Variants in ZMYND19 observed in about 807,000 individuals in gnomAD.
ZMYND19 encodes the protein zinc finger MYND domain-containing protein 19.
In ZMYND19, 17 loss-of-function variants were observed where a neutral mutation model predicts 32.0. The ratio of observed to expected loss-of-function variants is 0.53; its 90% CI spans 0.36 to 0.80. ZMYND19 has a LOEUF of 0.80. Ranked by LOEUF, ZMYND19 falls within the 30% of genes least tolerant of loss-of-function variation. The pLI is 0.00. For missense variants in ZMYND19, 250 were observed against 293.6 expected, an observed-to-expected ratio of 0.85 and a Z score of 1.09; for synonymous variants, 124 against 113.6, an observed-to-expected ratio of 1.09 and a Z score of -0.58.
In ZMYND19 at chr9:137,590,007, C is replaced by T. The variant is rs565073797; in HGVS notation, c.51+206G>A. 3.0e-3 allele frequency: 2,932 copies of T among 985,092 alleles called. 5 individuals carry two copies. Among genetic ancestry groups the T allele is most frequent in the Non-Finnish European group, 3.4e-3 (2,798 of 829,770 alleles). 61.0% of individuals were successfully genotyped at this position (985,092 alleles called of 1,614,324 possible). A position where few individuals can be genotyped will look rare whatever the true frequency, so the allele number is the denominator to read the frequency against. ...AGGGTGGCCAGGTGCACCCCAGAGC[C>T]GAGGGGTGCGTGCCCGCCGGCCTGC... is the stretch of plus-strand genomic sequence containing the variant. On this transcript the variant is annotated intron_variant, in intron 1 of 5. Transcript: ENST00000298585. The surrounding 1 kb of genome is among the most constrained non-coding windows in gnomAD (Gnocchi z 4.2).
chr9:137,586,178 G>A (rs1021846098), intron 4 of ZMYND19, among the ~76,000 whole-genome samples: 3 of 152,210 alleles, frequency 2.0e-5, no homozygotes, highest in Admixed American at 6.5e-5. Context: ...ACCATTCTCC[G>A]CTTTAAACCT....
Position 137,590,405 on chromosome 9 carries a change from G to T in ZMYND19, c.-142C>A, listed in dbSNP as rs1382899080. On this transcript the variant is annotated 5_prime_UTR_variant, in exon 1 of 6. Coordinates refer to ENST00000298585, the MANE Select transcript of ZMYND19 (RefSeq NM_138462.3). This position sits in a 1 kb window ranked among gnomAD's most constrained non-coding sequence, Gnocchi z 4.2. ...CAGCCAGGCGGGCTCCGGGCGGGAC[G>T]AGGCTGGGCCGGGCTCGGGCCTCCG... 2.3e-6 allele frequency: 1 copy of T among 442,460 alleles called. No individual in the cohort carries two copies. Among genetic ancestry groups the T allele is most frequent in the South Asian group, 8.8e-5 (1 of 11,362 alleles). The allele number at this position is 442,460 out of a possible 1,614,324, so 27.4% of individuals were successfully genotyped here.
At position 137,589,463 on chromosome 9, in the gene ZMYND19, G is replaced by A. The variant is rs1046938438; in HGVS notation, c.52-745C>T. 8 of 985,480 alleles carry A rather than the reference G, an allele frequency of 8.1e-6. No individual in the cohort carries two copies. The South Asian group carries it at 3.3e-4, about 40-fold the overall frequency. The allele number at this position is 985,480 out of a possible 1,614,324, so 61.0% of individuals were successfully genotyped here. ...CCCACCAAAAGCCGCAGCCGCTGGT[G>A]ACGGGAACAGGGCTCCCATCCGGGT... On this transcript the variant is annotated intron_variant, in intron 1 of 5. Coordinates refer to ENST00000298585, the MANE Select transcript of ZMYND19 (RefSeq NM_138462.3).
intron 1 of ZMYND19, chr9:137,589,510 T>C: frequency 1.0e-6 from 1 of 985,466 alleles, no homozygotes; most frequent in Non-Finnish European, 1.2e-6. Flanking sequence ...CTGGTGCAGC[T>C]GCACAGGTGG....
intron 5 of ZMYND19, 98 bp from the exon 6 acceptor site, chr9:137,582,784 A>G: frequency 6.5e-7 from 1 of 1,538,968 alleles, no homozygotes; most frequent in Non-Finnish European, 8.7e-7. Flanking sequence ...CCAGCAAAAC[A>G]CCACGTACCA....
intron 3 of ZMYND19, chr9:137,587,347 A>G: frequency 1.5e-6 from 1 of 653,816 alleles, no homozygotes; most frequent in South Asian, 2.0e-5. Flanking sequence ...TGGACTTCAG[A>G]GCACAGACAG....
At chr9:137,589,714 C>G (rs1479286583) in intron 1 of ZMYND19, 4 of 985,492 alleles carry the variant, frequency 4.1e-6, no homozygotes, top group Non-Finnish European at 4.8e-6. Flanking sequence ...AGCGTTAAAA[C>G]GAGCCTGAAG....
intron 4 of ZMYND19, 29 bp from the exon 5 acceptor site, chr9:137,583,192 C>T (rs1588972130): frequency 6.2e-7 from 1 of 1,608,832 alleles, no homozygotes; most frequent in Non-Finnish European, 8.5e-7. Flanking sequence ...CACTTGAGTG[C>T]ACTCTGGCCA....
At chr9:137,587,297 T>TGTCCCTGTCCTGTTTG in intron 3 of ZMYND19, 190 bp from the exon 4 acceptor site, 2 of 939,318 alleles carry the variant, frequency 2.1e-6, no homozygotes, top group Non-Finnish European at 1.5e-6. Flanking sequence ...ACCTGATCTG[T>TGTCCCTGTCCTGTTTG]GGCCCAAACA....
chr9:137,587,003 C>G lies in ZMYND19; in HGVS notation c.323G>C (p.Trp108Ser). 6.2e-7 allele frequency: 1 copy of G among 1,612,558 alleles called. No individual in the cohort carries two copies. The highest frequency in any genetic ancestry group is 1.1e-5 in the South Asian group (1 of 91,088). Reference protein sequence around the residue: ...LDNLQLVPWGWRPKAEETSSK... With the variant: ...LDNLQLVPWGSRPKAEETSSK... ...GGAGGTCTCTTCAGCCTTGGGCCGCCAGCCCCACGGCACCAGTTGCAGGTT... is the reference window on the plus strand; with the variant it reads ...GGAGGTCTCTTCAGCCTTGGGCCGCGAGCCCCACGGCACCAGTTGCAGGTT... The change falls in exon 4 of 6, where the codon TGG becomes TCG. Residue 108 changes from tryptophan to serine, a missense_variant. Trp to Ser is a radical substitution (Grantham distance 177). This residue lies in a region of ZMYND19 where 212 missense variants were observed against 218.8 expected (regional missense o/e 0.97). Transcript: ENST00000298585.
rs115871503 is a variant in ZMYND19 at position 137,586,668 on chromosome 9, C to T, written c.359+299G>A. Reference sequence around the variant, plus strand: ...AAGCCCTGCTCACACCGAGTCCCGACGCTGGCCCTGCCCTGGAGCAGGCAG... The same window carrying T: ...AAGCCCTGCTCACACCGAGTCCCGATGCTGGCCCTGCCCTGGAGCAGGCAG... On this transcript the variant is annotated intron_variant, in intron 4 of 5. Transcript: ENST00000298585. Among the ~76,000 whole-genome samples, 896 of 152,318 alleles carry T rather than the reference C, an allele frequency of 5.9e-3. 8 individuals are homozygous for T. The highest frequency in any genetic ancestry group is 0.02 in the African/African-American group (833 of 41,554).
At chr9:137,589,604 AGAG>A in intron 1 of ZMYND19, 1 of 985,452 alleles carries the variant, frequency 1.0e-6, no homozygotes, top group Non-Finnish European at 1.2e-6. Flanking sequence ...CCAAGTAAGA[AGAG>A]AAGTCGAGGA....
chr9:137,587,262 G>A (rs920422108), intron 3 of ZMYND19, 155 bp from the exon 4 acceptor site: 78 of 1,267,532 alleles, frequency 6.2e-5, no homozygotes, highest in African/African-American at 1.0e-4. Flanking sequence ...TACCTCAGGC[G>A]GAAGCTGCTG....
intron 4 of ZMYND19, among the ~76,000 whole-genome samples, chr9:137,583,889 G>A (rs893813058): frequency 2.0e-5 from 3 of 152,266 alleles, no homozygotes; most frequent in African/African-American, 4.8e-5. Context: ...TTTTGTGGGG[G>A]CTGAGCTGAC....
At chr9:137,589,550 A>G in intron 1 of ZMYND19, 2 of 985,462 alleles carry the variant, frequency 2.0e-6, no homozygotes, top group Non-Finnish European at 2.4e-6. Context: ...CTCAATGCCC[A>G]CAGGTGCCAT....
At chr9:137,587,232 C>T (rs1223965165) in intron 3 of ZMYND19, 125 bp from the exon 4 acceptor site, 2 of 1,468,816 alleles carry the variant, frequency 1.4e-6, no homozygotes, top group Non-Finnish European at 1.8e-6. Flanking sequence ...TGATCGGGCC[C>T]CTGGTCCTTT....
Position 137,582,675 on chromosome 9 carries a change from G to C in ZMYND19, c.552C>G (p.Phe184Leu). The change falls in exon 6 of 6, where the codon TTC becomes TTG. Residue 184 changes from phenylalanine (F) to leucine (L), a missense_variant. Transcript: ENST00000298585. ...CCACCTGGCAGCGCCCACAGATGTT[G>C]AACTCCCGGAGCTGAAATACAGAAC... The part of the protein sequence containing the change: ...CTVIEKQLRE[F>L]NICGRCQVAR... 1 of 1,612,924 alleles carries C rather than the reference G, an allele frequency of 6.2e-7. No individual in the cohort carries two copies. The highest frequency in any genetic ancestry group is 8.5e-7 in the Non-Finnish European group (1 of 1,179,960).
chr9:137,590,344 C>G lies in ZMYND19; in HGVS notation c.-81G>C. 1 of 875,482 alleles carries G rather than the reference C, an allele frequency of 1.1e-6. No homozygotes were observed. Among genetic ancestry groups the G allele is most frequent in the East Asian group, 1.1e-4 (1 of 9,394 alleles). 54.2% of individuals were successfully genotyped at this position (875,482 alleles called of 1,614,324 possible). Reference sequence around the variant, plus strand: ...GGGCCGGGGCGAGGCCGCGGCGCGCCGGGACAGGACGGGACCGGAGCCGGG... The same window carrying G: ...GGGCCGGGGCGAGGCCGCGGCGCGCGGGGACAGGACGGGACCGGAGCCGGG... On this transcript the variant is annotated 5_prime_UTR_variant, in exon 1 of 6. Coordinates refer to ENST00000298585, the MANE Select transcript of ZMYND19 (RefSeq NM_138462.3). The surrounding 1 kb of genome is among the most constrained non-coding windows in gnomAD (Gnocchi z 4.2).
chr9:137,588,787 C>T, intron 1 of ZMYND19, 69 bp from the exon 2 acceptor site: 1 of 1,571,652 alleles, frequency 6.4e-7, no homozygotes, highest in Non-Finnish European at 8.8e-7. Flanking sequence ...ACCTTATAAC[C>T]AGAACAGGCA....
Sources: allele counts gnomAD v4.1 joint callset (sites outside exome capture counted in the v4.1 genomes callset), GRCh38; gene constraint gnomAD v4.1.1; regional missense constraint gnomAD v4.1.1; non-coding constraint Gnocchi (gnomAD v3.1); transcripts MANE v1.5; gene names NCBI Gene and HGNC (gene_info 2026-07-23, HGNC 2026-07-21).